The following DLGAP1 variants were observed in gnomAD, a reference collection of about 807,000 sequenced individuals.
The protein encoded by DLGAP1 is DLG associated protein 1.
DLGAP1 carries 11 observed loss-of-function variants against 90.8 expected under a neutral mutation model. That is an observed-to-expected ratio of 0.12 (90% CI 0.08 to 0.20). The LOEUF is 0.20. Among genes scored for constraint, DLGAP1 ranks in the 10% least tolerant of loss-of-function variants. The probability of loss-of-function intolerance (pLI) is 1.00; values close to 1 mark genes in which losing one functional copy is unlikely to be tolerated. For synonymous variants in DLGAP1, 558 were observed against 540.7 expected, an observed-to-expected ratio of 1.03 and a Z score of -0.44; for missense variants, 1,050 against 1,333.8, an observed-to-expected ratio of 0.79 and a Z score of 3.31.
chr18:4,318,866 T>C (rs976543424), intron 1 of DLGAP1, among the ~76,000 whole-genome samples: 1 of 152,188 alleles, frequency 6.6e-6, no homozygotes, highest in Non-Finnish European at 1.5e-5. Context: ...AATGTAGATG[T>C]TTTCATTTAA....
At chr18:4,222,305 TG>T (rs986629942) in intron 1 of DLGAP1, among the ~76,000 whole-genome samples, 12 of 152,156 alleles carry the variant, frequency 7.9e-5, no homozygotes, top group African/African-American at 2.7e-4. Context: ...TGCTTGTTTC[TG>T]GTGTTTATTT....
At chr18:3,594,343 CCCCTCCCT>C (rs531811746) in intron 7 of DLGAP1, 7 of 146,354 alleles carry the variant, frequency 4.8e-5, no homozygotes, top group South Asian at 2.2e-4. Context: ...CTCCCACACC[CCCCTCCCT>C]CCCTCCCTCC....
chr18:3,652,113 G>A (rs1225235284), intron 7 of DLGAP1, among the ~76,000 whole-genome samples: 1 of 146,616 alleles, frequency 6.8e-6, no homozygotes, highest in African/African-American at 2.6e-5. Context: ...GCTGTGAGCC[G>A]AGATCACAAC....
chr18:3,588,952 G>A (rs1470896514), intron 7 of DLGAP1, among the ~76,000 whole-genome samples: 1 of 152,152 alleles, frequency 6.6e-6, no homozygotes, highest in African/African-American at 2.4e-5. Context: ...GGAGGCCAAG[G>A]CAGGGGATAA....
intron 2 of DLGAP1, among the ~76,000 whole-genome samples, chr18:4,096,776 G>T (rs1294295211): frequency 1.3e-5 from 2 of 152,136 alleles, no homozygotes; most frequent in African/African-American, 2.4e-5. Context: ...TTTTTTATAG[G>T]CTGCCTGGGT....
intron 3 of DLGAP1, among the ~76,000 whole-genome samples, chr18:3,910,182 T>A (rs1318131343): frequency 6.6e-5 from 10 of 151,208 alleles, no homozygotes; most frequent in African/African-American, 2.2e-4. Context: ...CTCTTTCCAA[T>A]GAGCATGTGG....
At chr18:4,318,595 C>G (rs8090026) in intron 1 of DLGAP1, among the ~76,000 whole-genome samples, 36,768 of 152,010 alleles carry the variant, frequency 0.24, 4,536 homozygotes, top group Middle Eastern at 0.3. Flanking sequence ...GGAGTCGATG[C>G]AGGAGTTCCA....
chr18:3,788,271 G>T (rs939024828), intron 5 of DLGAP1, among the ~76,000 whole-genome samples: 3 of 152,210 alleles, frequency 2.0e-5, no homozygotes, highest in African/African-American at 7.2e-5. Flanking sequence ...ATCGGGAAAA[G>T]ATGATAATAT....
chr18:3,966,486 T>C (rs8085839), intron 3 of DLGAP1, among the ~76,000 whole-genome samples: 1 of 151,790 alleles, frequency 6.6e-6, no homozygotes, highest in African/African-American at 2.4e-5. Context: ...TATGAAGCTA[T>C]TGCCATGGAT....
At chr18:3,958,905 A>G (rs1315656725) in intron 3 of DLGAP1, among the ~76,000 whole-genome samples, 2 of 152,190 alleles carry the variant, frequency 1.3e-5, no homozygotes, top group African/African-American at 4.8e-5. Flanking sequence ...ACTGCCTGTA[A>G]TATCTCAAGG....
rs2066982082 is a variant in DLGAP1 at position 3,814,277 on chromosome 18, T to G, written c.958-4A>C. 6.2e-7 allele frequency: 1 copy of G among 1,613,404 alleles called. No individual in the cohort carries two copies. The highest frequency in any genetic ancestry group is 1.7e-5 in the Admixed American group (1 of 59,992). ...CTGTCCATTCATCTTGTGGAACCTA[T>G]TCAGATAGAAAACAGATAAATCACT... On this transcript the variant is annotated splice_region_variant and splice_polypyrimidine_tract_variant and intron_variant, in intron 4 of 12. Coordinates refer to ENST00000315677, the MANE Select transcript of DLGAP1 (RefSeq NM_004746.4).
intron 7 of DLGAP1, among the ~76,000 whole-genome samples, chr18:3,654,375 T>C (rs765107360): frequency 2.0e-5 from 3 of 152,194 alleles, no homozygotes; most frequent in Non-Finnish European, 4.4e-5. Flanking sequence ...TGACACCCAC[T>C]AATAACCTCT....
intron 2 of DLGAP1, among the ~76,000 whole-genome samples, chr18:4,100,319 C>A (rs1193325276): frequency 6.6e-6 from 1 of 152,170 alleles, no homozygotes; most frequent in Non-Finnish European, 1.5e-5. Flanking sequence ...CTTGGGTGAA[C>A]AGGGACATTG....
At chr18:4,224,584 T>C (rs1312364084) in intron 1 of DLGAP1, among the ~76,000 whole-genome samples, 2 of 151,926 alleles carry the variant, frequency 1.3e-5, no homozygotes, top group African/African-American at 4.8e-5. Flanking sequence ...AGGCCTGTGG[T>C]GGTGGCAGAC....
chr18:4,032,352 A>G (rs1183347983), intron 2 of DLGAP1, among the ~76,000 whole-genome samples: 1 of 152,196 alleles, frequency 6.6e-6, no homozygotes, highest in Non-Finnish European at 1.5e-5. Context: ...ATTGTGAGAA[A>G]ACCAGTGTTT....
At chr18:3,795,557 G>A (rs1487380413) in intron 5 of DLGAP1, among the ~76,000 whole-genome samples, 1 of 152,084 alleles carries the variant, frequency 6.6e-6, no homozygotes, top group Non-Finnish European at 1.5e-5. Context: ...CTCGTGATCT[G>A]CCCACCTTGG....
chr18:4,329,594 A>G (rs1053334534), intron 1 of DLGAP1, among the ~76,000 whole-genome samples: 2 of 151,980 alleles, frequency 1.3e-5, no homozygotes, highest in African/African-American at 4.8e-5. Flanking sequence ...TTTGAAAATA[A>G]TATCTCAACA....
intron 8 of DLGAP1, among the ~76,000 whole-genome samples, chr18:3,576,888 G>A (rs761231373): frequency 2.0e-4 from 29 of 142,680 alleles, no homozygotes; most frequent in Non-Finnish European, 4.2e-4. Flanking sequence ...TTGAGACGGC[G>A]TTTCACTCTT....
intron 1 of DLGAP1, among the ~76,000 whole-genome samples, chr18:4,209,708 A>G (rs1037463136): frequency 6.6e-6 from 1 of 152,210 alleles, no homozygotes; most frequent in Non-Finnish European, 1.5e-5. Flanking sequence ...AATTTTAACT[A>G]TCATTTATAA....
Sources: allele counts gnomAD v4.1 joint callset (sites outside exome capture counted in the v4.1 genomes callset), GRCh38; gene constraint gnomAD v4.1.1; transcripts MANE v1.5; gene names NCBI Gene and HGNC (gene_info 2026-07-23, HGNC 2026-07-21).